The following KCNMA1 variants were observed in gnomAD, a reference collection of about 807,000 sequenced individuals.
KCNMA1 encodes potassium calcium-activated channel subfamily M alpha 1.
In KCNMA1, 29 loss-of-function variants were observed where a neutral mutation model predicts 140.0. The observed-to-expected ratio is 0.21, with a 90% CI of 0.15 to 0.28. The LOEUF is 0.28. Among genes scored for constraint, KCNMA1 ranks in the 10% least tolerant of loss-of-function variants. KCNMA1 has a pLI of 1.00. For missense variants in KCNMA1, 880 were observed against 1,602.2 expected, an observed-to-expected ratio of 0.55 and a Z score of 7.70; for synonymous variants, 612 against 611.9, an observed-to-expected ratio of 1.00 and a Z score of 0.00.
At chr10:77,159,671 C>A (rs2098533257) in intron 5 of KCNMA1, among the ~76,000 whole-genome samples, 1 of 152,120 alleles carries the variant, frequency 6.6e-6, no homozygotes, top group African/African-American at 2.4e-5. Context: ...CTATTCCCCC[C>A]TCCTGTAGCT....
chr10:76,956,037 C>G (rs1002792223), intron 20 of KCNMA1, among the ~76,000 whole-genome samples: 3 of 152,054 alleles, frequency 2.0e-5, no homozygotes, highest in African/African-American at 7.2e-5. Context: ...AACTATGTTC[C>G]CATAATATCA....
At chr10:77,093,720 T>A (rs2096866682) in intron 9 of KCNMA1, among the ~76,000 whole-genome samples, 2 of 152,180 alleles carry the variant, frequency 1.3e-5, no homozygotes, top group African/African-American at 4.8e-5. Context: ...ATTTATTGCA[T>A]CCTCAATTAT....
At chr10:76,877,680 C>T, downstream of KCNMA1, 1 of 1,500,846 alleles carries the variant, frequency 6.7e-7, no homozygotes, top group Non-Finnish European at 9.1e-7. Flanking sequence ...GAAGAAAAGT[C>T]ACATCACCAT....
chr10:77,523,181 T>C (rs775169809), intron 1 of KCNMA1, among the ~76,000 whole-genome samples: 2 of 150,448 alleles, frequency 1.3e-5, no homozygotes, highest in Non-Finnish European at 2.9e-5. Context: ...ACAGAAGCTA[T>C]GTCTTACTCA....
intron 1 of KCNMA1, among the ~76,000 whole-genome samples, chr10:77,486,778 T>G (rs998713514): frequency 6.6e-6 from 1 of 152,208 alleles, no homozygotes; most frequent in African/African-American, 2.4e-5. Flanking sequence ...CCTGGCCCTG[T>G]GCATAATAAG....
At chr10:77,205,469 TG>T (rs1331519582) in intron 3 of KCNMA1, among the ~76,000 whole-genome samples, 3 of 152,190 alleles carry the variant, frequency 2.0e-5, no homozygotes, top group Admixed American at 2.0e-4. Context: ...AAGAGGAGTG[TG>T]GGTGAGGATT....
In KCNMA1 at chr10:77,490,474, A is replaced by C. The variant is rs568498080; in HGVS notation, c.379-86451T>G. ...AATAAAATTATCATCACCCTGATTGAAGGGAATGATTTACTGGAACTTCTT... is the reference window on the plus strand; with the variant it reads ...AATAAAATTATCATCACCCTGATTGCAGGGAATGATTTACTGGAACTTCTT... On this transcript the variant is annotated intron_variant, in intron 1 of 27. Coordinates refer to ENST00000286628, the MANE Select transcript of KCNMA1 (RefSeq NM_001161352.2). 3.3e-5 allele frequency among the ~76,000 whole-genome samples: 5 copies of C among 152,320 alleles called. No individual in the cohort carries two copies. The South Asian group carries it at 1.0e-3, about 32-fold the overall frequency.
chr10:77,610,779 G>A (rs1314404831), intron 1 of KCNMA1, among the ~76,000 whole-genome samples: 2 of 152,180 alleles, frequency 1.3e-5, no homozygotes, highest in African/African-American at 4.8e-5. Context: ...CTTTTGGAGT[G>A]ATGAAAATGT....
intron 5 of KCNMA1, among the ~76,000 whole-genome samples, chr10:77,160,284 A>G (rs1191427787): frequency 6.6e-6 from 1 of 152,074 alleles, no homozygotes; most frequent in African/African-American, 2.4e-5. Context: ...GAAGGATGCA[A>G]ATTCCTCCCC....
At chr10:77,391,253 A>G (rs964345354) in intron 2 of KCNMA1, among the ~76,000 whole-genome samples, 14 of 152,146 alleles carry the variant, frequency 9.2e-5, no homozygotes, top group African/African-American at 3.1e-4. Context: ...AACAGGTTTA[A>G]TGGTCCCCCT....
chr10:77,547,558 A>G (rs930776917), intron 1 of KCNMA1, among the ~76,000 whole-genome samples: 12 of 152,244 alleles, frequency 7.9e-5, no homozygotes, highest in Admixed American at 1.3e-4. Context: ...TGGCTTCTCC[A>G]GATCAACAGA....
At chr10:76,879,409 G>A (rs908984989) in intron 29 of KCNMA1, among the ~76,000 whole-genome samples, 1 of 152,112 alleles carries the variant, frequency 6.6e-6, no homozygotes, top group South Asian at 2.1e-4. Flanking sequence ...CAGATTGGAC[G>A]ATAGGAATTC....
chr10:76,962,411 T>A (rs2071932359), intron 20 of KCNMA1, among the ~76,000 whole-genome samples: 2 of 152,184 alleles, frequency 1.3e-5, no homozygotes, highest in South Asian at 4.1e-4. Context: ...ATTAAGGGCA[T>A]CCTACAGTGG....
chr10:76,961,735 C>A (rs534089932), intron 20 of KCNMA1, among the ~76,000 whole-genome samples: 61 of 152,276 alleles, frequency 4.0e-4, no homozygotes, highest in African/African-American at 1.4e-3. Context: ...TGAGGCAAGA[C>A]CCTCTACCAG....
In KCNMA1 at chr10:77,320,366, G is replaced by A. The variant is rs148956385; in HGVS notation, c.541-69110C>T. Among the ~76,000 whole-genome samples, 15 of 152,312 alleles carry A rather than the reference G, an allele frequency of 9.8e-5. No homozygotes were observed. In the East Asian group the frequency reaches 2.3e-3, roughly 24 times the overall value. On this transcript the variant is annotated intron_variant, in intron 2 of 27. Transcript: ENST00000286628. The stretch of plus-strand genomic sequence containing the variant: ...AAAGTGAAGTCCCCCAAACTTTCAT[G>A]CAGGTTTCTCTGCAAGGAAGGAAGG...
At chr10:77,179,303 C>T (rs1258311748) in intron 5 of KCNMA1, among the ~76,000 whole-genome samples, 3 of 152,244 alleles carry the variant, frequency 2.0e-5, no homozygotes, top group South Asian at 2.1e-4. Flanking sequence ...ATCTACTCTG[C>T]GCCAATATCC....
At chr10:77,176,063 TG>T (rs2098749394) in intron 5 of KCNMA1, among the ~76,000 whole-genome samples, 1 of 152,152 alleles carries the variant, frequency 6.6e-6, no homozygotes, top group African/African-American at 2.4e-5. Flanking sequence ...TGCCTGAAGG[TG>T]GGGCGGGGCT....
At chr10:77,198,145 G>T (rs1410754536) in intron 3 of KCNMA1, among the ~76,000 whole-genome samples, 1 of 152,076 alleles carries the variant, frequency 6.6e-6, no homozygotes, top group Non-Finnish European at 1.5e-5. Context: ...GAGAAACAAG[G>T]CATCAGTTAC....
At chr10:77,079,597 GTGTC>G in intron 12 of KCNMA1, 47 bp from the exon 13 acceptor site, 1 of 1,295,416 alleles carries the variant, frequency 7.7e-7, no homozygotes, top group East Asian at 2.3e-5. Flanking sequence ...CTTATGCATG[GTGTC>G]TGACAAAAAG....
Sources: allele counts gnomAD v4.1 joint callset (sites outside exome capture counted in the v4.1 genomes callset), GRCh38; gene constraint gnomAD v4.1.1; transcripts MANE v1.5; gene names NCBI Gene and HGNC (gene_info 2026-07-23, HGNC 2026-07-21).